CCDC146: variants seen among roughly 807,000 people sequenced by gnomAD.
The protein encoded by CCDC146 is coiled-coil domain containing 146.
A neutral mutation model predicts 119.3 loss-of-function variants in CCDC146; 92 were observed. That is an observed-to-expected ratio of 0.77 (90% CI 0.65 to 0.92). The LOEUF is 0.92. CCDC146 is among the 40% of genes least tolerant of loss of function. The pLI is 0.00. For missense variants in CCDC146, 1,000 were observed against 1,103.0 expected, an observed-to-expected ratio of 0.91 and a Z score of 1.32; for synonymous variants, 372 against 371.8, an observed-to-expected ratio of 1.00 and a Z score of -0.01.
chr7:77,130,390 G>T (rs1223587385), intron 1 of CCDC146, among the ~76,000 whole-genome samples: 31 of 151,982 alleles, frequency 2.0e-4, no homozygotes, highest in Non-Finnish European at 1.5e-5. Flanking sequence ...AGAACAACTC[G>T]CAAGCGTTGC....
At chr7:77,200,109 T>TA (rs368810538) in intron 2 of CCDC146, among the ~76,000 whole-genome samples, 1 of 152,374 alleles carries the variant, frequency 6.6e-6, no homozygotes, top group East Asian at 1.9e-4. Context: ...TTGGTATACT[T>TA]ACGCTTGAAG....
Position 77,199,673 on chromosome 7 carries a change from C to T in CCDC146, c.156+31849C>T, listed in dbSNP as rs975235570. 1 of 1,614,204 alleles carries T rather than the reference C, an allele frequency of 6.2e-7. No individual in the cohort carries two copies. Among genetic ancestry groups the T allele is most frequent in the Admixed American group, 1.7e-5 (1 of 60,020 alleles). On this transcript the variant is annotated intron_variant, in intron 2 of 18. Coordinates refer to ENST00000285871, the MANE Select transcript of CCDC146 (RefSeq NM_020879.3). The stretch of plus-strand genomic sequence containing the variant: ...CATTTCCCTCTGCTTTCTAGTCTCA[C>T]TGGGCAGACATCCTTTGCTCTTTCA...
At position 77,205,810 on chromosome 7, in the gene CCDC146, C is replaced by T. The variant is rs539655414; in HGVS notation, c.157-31137C>T. On this transcript the variant is annotated intron_variant, in intron 2 of 18. Coordinates refer to ENST00000285871, the MANE Select transcript of CCDC146 (RefSeq NM_020879.3). ...AAACCCTCTAGGTAGCACTTCAACA[C>T]TATGCTCAGGGGCCATTTTATTTTA... 2.2e-4 allele frequency among the ~76,000 whole-genome samples: 33 copies of T among 152,268 alleles called. 1 individual carries two copies. The South Asian group carries it at 5.8e-3, about 27-fold the overall frequency.
rs142505265 is a variant in CCDC146 at position 77,245,893 on chromosome 7, T to G, written c.449+3993T>G. Among the ~76,000 whole-genome samples, 70 of 152,266 alleles carry G rather than the reference T, an allele frequency of 4.6e-4. No individual in the cohort carries two copies. In the East Asian group the frequency reaches 0.011, roughly 25 times the overall value. ...CTTAAAAAAAAAAAAAAGTTTGCTCTTCTGTGGCAACAAATATCTTAAAAG... is the reference window on the plus strand; with the variant it reads ...CTTAAAAAAAAAAAAAAGTTTGCTCGTCTGTGGCAACAAATATCTTAAAAG... On this transcript the variant is annotated intron_variant, in intron 4 of 18. Coordinates refer to ENST00000285871, the MANE Select transcript of CCDC146 (RefSeq NM_020879.3).
intron 2 of CCDC146, among the ~76,000 whole-genome samples, chr7:77,173,033 C>T (rs1164319805): frequency 2.6e-5 from 4 of 151,920 alleles, no homozygotes; most frequent in Non-Finnish European, 5.9e-5. Context: ...TGTAGAGTTC[C>T]ATTGAGAACA....
chr7:77,294,466 GTGTGTGTGTGT>G (rs1562865817), intron 18 of CCDC146, among the ~76,000 whole-genome samples, 186 bp from the exon 19 acceptor site: 5 of 57,626 alleles, frequency 8.7e-5, no homozygotes, highest in South Asian at 2.0e-3. Context: ...AGAGGTAGGT[GTGTGTGTGTGT>G]GTGTGTGTGT....
intron 1 of CCDC146, among the ~76,000 whole-genome samples, chr7:77,140,679 G>A (rs1790919783): frequency 6.6e-6 from 1 of 152,064 alleles, no homozygotes; most frequent in Non-Finnish European, 1.5e-5. Flanking sequence ...TCAGTCAATA[G>A]CACCCGTCCT....
At chr7:77,233,648 C>A (rs73373645) in intron 2 of CCDC146, among the ~76,000 whole-genome samples, 1 of 152,094 alleles carries the variant, frequency 6.6e-6, no homozygotes, top group Non-Finnish European at 1.5e-5. Context: ...GAGTGCACAA[C>A]CTAGATCCCT....
intron 2 of CCDC146, among the ~76,000 whole-genome samples, chr7:77,182,670 C>A (rs74699908): frequency 6.6e-6 from 1 of 151,986 alleles, no homozygotes; most frequent in Non-Finnish European, 1.5e-5. Context: ...CGATGGTGCA[C>A]GCCTGTAGTC....
At chr7:77,255,781 G>A (rs534197636) in intron 5 of CCDC146, among the ~76,000 whole-genome samples, 2 of 152,174 alleles carry the variant, frequency 1.3e-5, no homozygotes, top group Non-Finnish European at 2.9e-5. Flanking sequence ...TGATGATTCT[G>A]GGGTAGATGG....
intron 1 of CCDC146, among the ~76,000 whole-genome samples, chr7:77,126,021 G>T (rs958858752): frequency 6.6e-6 from 1 of 152,132 alleles, no homozygotes; most frequent in Admixed American, 6.5e-5. Context: ...AGTTGGAGTG[G>T]CAAAAGCAAA....
In CCDC146 at chr7:77,196,964, T is replaced by C; in HGVS notation, c.156+29140T>C. 1.2e-6 allele frequency: 2 copies of C among 1,606,392 alleles called. No homozygotes were observed. Among genetic ancestry groups the C allele is most frequent in the Non-Finnish European group, 1.7e-6 (2 of 1,176,036 alleles). On this transcript the variant is annotated intron_variant, in intron 2 of 18. Coordinates refer to ENST00000285871, the MANE Select transcript of CCDC146 (RefSeq NM_020879.3). The surrounding 1 kb of genome is among the most constrained non-coding windows in gnomAD (Gnocchi z 4.2). ...GCCTATTGCGTAGTAGTCAGAGCAA[T>C]CTTTATATATTAGATGTTGAACTGA...
At chr7:77,219,579 A>G (rs1792363717) in intron 2 of CCDC146, among the ~76,000 whole-genome samples, 1 of 152,234 alleles carries the variant, frequency 6.6e-6, no homozygotes, top group African/African-American at 2.4e-5. Flanking sequence ...ACATTAGTAC[A>G]TAAACTAAAA....
chr7:77,291,075 T>C (rs929497855), intron 17 of CCDC146, among the ~76,000 whole-genome samples: 2 of 152,196 alleles, frequency 1.3e-5, no homozygotes, highest in African/African-American at 2.4e-5. Flanking sequence ...GGGACTATGA[T>C]GATGAATAAA....
chr7:77,149,690 G>T (rs1393159377), intron 1 of CCDC146, among the ~76,000 whole-genome samples: 2 of 151,808 alleles, frequency 1.3e-5, no homozygotes. Context: ...ACTTGCACCT[G>T]GGAAGCAGAG....
Position 77,227,527 on chromosome 7 carries a change from G to A in CCDC146, c.157-9420G>A, listed in dbSNP as rs181045100. On this transcript the variant is annotated intron_variant, in intron 2 of 18. Transcript: ENST00000285871. ...TCACCGTGTTAGCCAGCATGGTCTC[G>A]ATCTCCTGACCTCGTGATCCGCCTG... Among the ~76,000 whole-genome samples the A allele has an allele frequency of 5.3e-5, 8 of 152,266 alleles. No homozygotes were observed. In the East Asian group the frequency reaches 7.7e-4, roughly 15 times the overall value.
chr7:77,134,111 T>A (rs1292008379), intron 1 of CCDC146, among the ~76,000 whole-genome samples: 1 of 152,036 alleles, frequency 6.6e-6, no homozygotes, highest in South Asian at 2.1e-4. Context: ...AATCTGCATT[T>A]GGTTGTGGAT....
intron 2 of CCDC146, among the ~76,000 whole-genome samples, chr7:77,188,491 G>T (rs937585655): frequency 6.6e-6 from 1 of 152,114 alleles, no homozygotes; most frequent in Non-Finnish European, 1.5e-5. Flanking sequence ...CAAATGAAAA[G>T]GTTTTTCGAT....
chr7:77,263,190 C>T lies in CCDC146; in HGVS notation c.1173+883C>T, dbSNP rs952912515. On this transcript the variant is annotated intron_variant, in intron 9 of 18. Transcript: ENST00000285871. Reference sequence around the variant, plus strand: ...CTGGGCACATAGAAAGTTTATACTTCCTTGCACCCTTTGCAGTTGAGCAGA... The same window carrying T: ...CTGGGCACATAGAAAGTTTATACTTTCTTGCACCCTTTGCAGTTGAGCAGA... 1.2e-4 allele frequency among the ~76,000 whole-genome samples: 19 copies of T among 152,344 alleles called. 1 individual carries two copies. The highest frequency in any genetic ancestry group is 6.8e-3 in the Middle Eastern group (2 of 294).
Sources: allele counts gnomAD v4.1 joint callset (sites outside exome capture counted in the v4.1 genomes callset), GRCh38; gene constraint gnomAD v4.1.1; non-coding constraint Gnocchi (gnomAD v3.1); transcripts MANE v1.5; gene names NCBI Gene and HGNC (gene_info 2026-07-23, HGNC 2026-07-21).